Variants in TNIK observed in about 807,000 individuals in gnomAD.
TNIK encodes the protein TRAF2 and NCK interacting kinase, also known as TRAF2 and NCK-interacting protein kinase.
TNIK carries 49 observed loss-of-function variants against 191.3 expected under a neutral mutation model. The observed-to-expected ratio is 0.26, with a 90% CI of 0.20 to 0.32. TNIK has a LOEUF of 0.32. TNIK is among the 10% of genes least tolerant of loss of function. The pLI is 1.00. For synonymous variants in TNIK, 594 were observed against 600.9 expected, an observed-to-expected ratio of 0.99 and a Z score of 0.17; for missense variants, 1,155 against 1,702.3, an observed-to-expected ratio of 0.68 and a Z score of 5.66.
chr3:171,346,440 G>A (rs964005380), intron 2 of TNIK, among the ~76,000 whole-genome samples: 4 of 152,068 alleles, frequency 2.6e-5, no homozygotes, highest in Non-Finnish European at 4.4e-5. Context: ...TCCTTGCACT[G>A]CACTCTACTT....
chr3:171,372,143 G>A (rs1001112087), intron 1 of TNIK, among the ~76,000 whole-genome samples: 2 of 152,196 alleles, frequency 1.3e-5, no homozygotes, highest in Non-Finnish European at 2.9e-5. Flanking sequence ...GATCTGGACA[G>A]CTGACTTGTG....
chr3:171,222,959 A>C (rs1448256149), intron 3 of TNIK, among the ~76,000 whole-genome samples: 1 of 152,144 alleles, frequency 6.6e-6, no homozygotes, highest in African/African-American at 2.4e-5. Flanking sequence ...ACCTGCTTAC[A>C]TTTCTTTTAT....
intron 1 of TNIK, among the ~76,000 whole-genome samples, chr3:171,373,020 T>C (rs1475517323): frequency 6.6e-6 from 1 of 152,112 alleles, no homozygotes; most frequent in East Asian, 1.9e-4. Context: ...CTTCTCTCTT[T>C]CCCCCAATCC....
intron 11 of TNIK, among the ~76,000 whole-genome samples, chr3:171,160,942 T>C (rs1206830778): frequency 6.6e-6 from 1 of 152,208 alleles, no homozygotes; most frequent in East Asian, 1.9e-4. Context: ...TCTAGAAAGT[T>C]GCAGTTTTAA....
At chr3:171,211,401 T>A (rs2292004) in intron 3 of TNIK, among the ~76,000 whole-genome samples, 160 bp from the exon 4 acceptor site, 2 of 151,930 alleles carry the variant, frequency 1.3e-5, no homozygotes, top group Non-Finnish European at 2.9e-5. Context: ...TAAAACATAA[T>A]ACATTGGCTG....
rs903783310 is a variant in TNIK at position 171,275,723 on chromosome 3, C to T, written c.124-47502G>A. On this transcript the variant is annotated intron_variant, in intron 2 of 32. Coordinates refer to ENST00000436636, the MANE Select transcript of TNIK (RefSeq NM_015028.4). Reference sequence around the variant, plus strand: ...CATCCTGGCTAACATGGTGAAACCCCGTCTCTACTAAAAATACAAAAAAAT... The same window carrying T: ...CATCCTGGCTAACATGGTGAAACCCTGTCTCTACTAAAAATACAAAAAAAT... Among the ~76,000 whole-genome samples, 11 of 151,782 alleles carry T rather than the reference C, an allele frequency of 7.2e-5. No individual in the cohort carries two copies. The East Asian group carries it at 9.7e-4, about 13-fold the overall frequency.
chr3:171,171,591 G>T (rs1419095234), intron 9 of TNIK, among the ~76,000 whole-genome samples: 1 of 152,112 alleles, frequency 6.6e-6, no homozygotes, highest in East Asian at 1.9e-4. Flanking sequence ...GCCTGTGTGG[G>T]CTCTTCAAAT....
At chr3:171,281,308 A>C (rs1352103704) in intron 2 of TNIK, among the ~76,000 whole-genome samples, 2 of 152,240 alleles carry the variant, frequency 1.3e-5, no homozygotes, top group East Asian at 3.8e-4. Context: ...GAGAAATGGC[A>C]TTACACAGTC....
chr3:171,419,063 T>A (rs1200520328), intron 1 of TNIK, among the ~76,000 whole-genome samples: 1 of 152,180 alleles, frequency 6.6e-6, no homozygotes, highest in East Asian at 1.9e-4. Context: ...TCCTACCAGA[T>A]TAGGGCCCAA....
At chr3:171,291,680 T>C (rs1201972002) in intron 2 of TNIK, among the ~76,000 whole-genome samples, 2 of 152,220 alleles carry the variant, frequency 1.3e-5, no homozygotes, top group Non-Finnish European at 2.9e-5. Context: ...TCTCTTTAAT[T>C]TTTAGCAATT....
intron 10 of TNIK, among the ~76,000 whole-genome samples, chr3:171,163,440 G>A (rs1408407418): frequency 2.0e-5 from 3 of 152,124 alleles, no homozygotes; most frequent in African/African-American, 7.2e-5. Flanking sequence ...AACATGCCTT[G>A]CTTTTCACAC....
intron 2 of TNIK, among the ~76,000 whole-genome samples, chr3:171,285,316 G>A (rs1750892000): frequency 6.6e-6 from 1 of 152,168 alleles, no homozygotes; most frequent in African/African-American, 2.4e-5. Context: ...AAATTCCTCA[G>A]CAATACTTAG....
intron 2 of TNIK, among the ~76,000 whole-genome samples, chr3:171,307,644 A>C (rs1382613082): frequency 6.6e-6 from 1 of 152,154 alleles, no homozygotes; most frequent in African/African-American, 2.4e-5. Context: ...AAGCCTATTT[A>C]TCCTGGAAAA....
At chr3:171,151,832 CA>C (rs1368849614) in intron 12 of TNIK, among the ~76,000 whole-genome samples, 1 of 152,220 alleles carries the variant, frequency 6.6e-6, no homozygotes, top group African/African-American at 2.4e-5. Context: ...CCCACCACCT[CA>C]CCACTCTTTT....
chr3:171,070,473 C>CAG (rs540515270), intron 29 of TNIK, among the ~76,000 whole-genome samples: 6 of 151,650 alleles, frequency 4.0e-5, no homozygotes, highest in Admixed American at 2.6e-4. Flanking sequence ...AGAGAGAGAT[C>CAG]AGAGAGAGAG....
chr3:171,225,655 T>G (rs1333084514), intron 3 of TNIK: 1 of 455,324 alleles, frequency 2.2e-6, no homozygotes, highest in Admixed American at 2.4e-5. Context: ...TGAAAATACA[T>G]GTTCTGGGAA....
Position 171,062,222 on chromosome 3 carries a change from C to T in TNIK, c.*1659G>A, listed in dbSNP as rs1717898961. The T allele has an allele frequency of 6.6e-6, 1 of 152,116 alleles. No homozygotes were observed. The highest frequency in any genetic ancestry group is 1.5e-5 in the Non-Finnish European group (1 of 68,026). 9.4% of individuals were successfully genotyped at this position (152,116 alleles called of 1,614,324 possible). On this transcript the variant is annotated 3_prime_UTR_variant, in exon 33 of 33. Transcript: ENST00000436636. Reference sequence around the variant, plus strand: ...AATTATTTTCTCCAGAAACAAGCCACATTAGTTTTTGTCATTGGATTCCCC... The same window carrying T: ...AATTATTTTCTCCAGAAACAAGCCATATTAGTTTTTGTCATTGGATTCCCC...
chr3:171,359,893 T>A (rs889995373), intron 2 of TNIK, among the ~76,000 whole-genome samples: 4 of 152,204 alleles, frequency 2.6e-5, no homozygotes, highest in Non-Finnish European at 4.4e-5. Flanking sequence ...AGGTTACAAA[T>A]AACCCAGAAT....
At chr3:171,098,138 TAAAAG>T (rs1273620960) in intron 22 of TNIK, among the ~76,000 whole-genome samples, 2 of 151,934 alleles carry the variant, frequency 1.3e-5, no homozygotes, top group Non-Finnish European at 2.9e-5. Flanking sequence ...AAAGCGGAAA[TAAAAG>T]AGTCATTTTA....
Sources: gnomAD v4.1 joint callset for allele counts (sites outside exome capture counted in the v4.1 genomes callset) on GRCh38, gnomAD v4.1.1 for gene constraint, MANE v1.5 for transcripts, NCBI Gene and HGNC (gene_info 2026-07-23, HGNC 2026-07-21) for gene names.